The following SPRYD7 variants were observed in gnomAD, a reference collection of about 807,000 sequenced individuals.
SPRYD7 encodes the protein SPRY domain-containing protein 7.
A neutral mutation model predicts 23.8 loss-of-function variants in SPRYD7; 14 were observed. The ratio of observed to expected loss-of-function variants is 0.59; its 90% CI spans 0.39 to 0.92. SPRYD7 has a LOEUF of 0.92. SPRYD7 is among the 40% of genes least tolerant of loss of function. The pLI, the probability that SPRYD7 is intolerant of heterozygous loss-of-function variation, is 0.00. For missense variants in SPRYD7, 194 were observed against 241.7 expected (o/e 0.80, Z 1.31); for synonymous variants, 75 against 84.9 (o/e 0.88, Z 0.64).
At chr13:49,915,269 T>C (rs1245047312) in intron 4 of SPRYD7, 109 bp from the exon 5 acceptor site, 1 of 452,278 alleles carries the variant, frequency 2.2e-6, no homozygotes, top group Non-Finnish European at 3.9e-6. Context: ...ACAATATTAA[T>C]AGGTAAGAAG....
At chr13:49,931,682 T>C (rs1156765304) in intron 1 of SPRYD7, among the ~76,000 whole-genome samples, 1 of 152,208 alleles carries the variant, frequency 6.6e-6, no homozygotes, top group African/African-American at 2.4e-5. Context: ...GGTACAGTGG[T>C]TCGTACCTGT....
At chr13:49,931,423 G>A (rs1483570748) in intron 1 of SPRYD7, among the ~76,000 whole-genome samples, 2 of 152,050 alleles carry the variant, frequency 1.3e-5, no homozygotes, top group African/African-American at 4.8e-5. Context: ...CTCGTGATCC[G>A]CCCACCTTGG....
intron 2 of SPRYD7, among the ~76,000 whole-genome samples, chr13:49,929,180 T>C (rs1359314268): frequency 4.6e-5 from 7 of 152,160 alleles, no homozygotes; most frequent in Non-Finnish European, 7.3e-5. Context: ...CACGGTGGCT[T>C]GAGCCTGTAG....
chr13:49,915,019 A>AT lies in SPRYD7; in HGVS notation c.*43dup, dbSNP rs1461123601. 8.9e-7 allele frequency: 1 copy of AT among 1,126,176 alleles called. No homozygotes were observed. The highest frequency in any genetic ancestry group is 1.3e-6 in the Non-Finnish European group (1 of 780,384). The allele number at this position is 1,126,176 out of a possible 1,614,324, so 69.8% of individuals were successfully genotyped here. A position where few individuals can be genotyped will look rare whatever the true frequency, so the allele number is the denominator to read the frequency against. On this transcript the variant is annotated 3_prime_UTR_variant, in exon 5 of 5. Coordinates refer to ENST00000361840, the MANE Select transcript of SPRYD7 (RefSeq NM_020456.4). ...GGTAAAGTTTTATTAAATGATGAAC[A>AT]TTTTTTAACAGTGCAGAAATACAAG... is the stretch of plus-strand genomic sequence containing the variant.
chr13:49,935,160 G>A (rs1471814966), intron 1 of SPRYD7, among the ~76,000 whole-genome samples: 1 of 152,144 alleles, frequency 6.6e-6, no homozygotes, highest in Non-Finnish European at 1.5e-5. Flanking sequence ...AGAATTATAA[G>A]GAAACTGGGC....
chr13:49,934,709 A>G (rs1034503986), intron 1 of SPRYD7, among the ~76,000 whole-genome samples: 1 of 152,220 alleles, frequency 6.6e-6, no homozygotes, highest in Non-Finnish European at 1.5e-5. Flanking sequence ...AGTATATCTG[A>G]CCAGCTCTTC....
Position 49,931,025 on chromosome 13 carries a change from C to T in SPRYD7, c.216G>A (p.Gln72=). The change falls in exon 2 of 5, where the codon CAG becomes CAA. Residue 72 remains glutamine, a synonymous_variant. Transcript: ENST00000361840. ...QNKSYFEFKI[Q]STGIWGIGVA... ...AAGTACCATTATACCAACCTGTGGA[C>T]TGGATTTTGAATTCAAAATAGCTTT... The T allele has an allele frequency of 1.2e-6, 2 of 1,607,386 alleles. No individual in the cohort carries two copies. The highest frequency in any genetic ancestry group is 1.7e-6 in the Non-Finnish European group (2 of 1,174,916).
chr13:49,929,987 G>A (rs1270386261), intron 2 of SPRYD7, among the ~76,000 whole-genome samples: 4 of 151,082 alleles, frequency 2.6e-5, no homozygotes, highest in African/African-American at 2.4e-5. Context: ...ATGGGGTTTC[G>A]CCATGTTGGC....
chr13:49,919,316 C>A (rs113983950), intron 4 of SPRYD7, among the ~76,000 whole-genome samples: 17 of 151,838 alleles, frequency 1.1e-4, no homozygotes, highest in African/African-American at 4.1e-4. Flanking sequence ...AAGGCCGAGG[C>A]GGGCAGAACA....
chr13:49,925,816 C>CA (rs796496808), intron 3 of SPRYD7, among the ~76,000 whole-genome samples: 2,185 of 114,646 alleles, frequency 0.019, 37 homozygotes, highest in African/African-American at 0.062. Flanking sequence ...CATCTGAAAA[C>CA]AAAAAAAAAA....
rs189598381 is a variant in SPRYD7, at chr13:49,912,794, C to T, written c.*2269G>A. 2.6e-5 allele frequency: 4 copies of T among 152,106 alleles called. No homozygotes were observed. Among genetic ancestry groups the T allele is most frequent in the African/African-American group, 4.8e-5 (2 of 41,414 alleles). 9.4% of individuals were successfully genotyped at this position (152,106 alleles called of 1,614,324 possible). A position where few individuals can be genotyped will look rare whatever the true frequency, so the allele number is the denominator to read the frequency against. On this transcript the variant is annotated 3_prime_UTR_variant, in exon 5 of 5. Coordinates refer to ENST00000361840, the MANE Select transcript of SPRYD7 (RefSeq NM_020456.4). ...TTATGATAGAAAGCCAGACAAAATGCATAATACATACATAGTTAAATTTCA... is the reference window on the plus strand; with the variant it reads ...TTATGATAGAAAGCCAGACAAAATGTATAATACATACATAGTTAAATTTCA...
intron 1 of SPRYD7, among the ~76,000 whole-genome samples, chr13:49,933,867 A>C (rs928753728): frequency 3.9e-5 from 6 of 152,138 alleles, no homozygotes; most frequent in Admixed American, 2.0e-4. Flanking sequence ...CTTGGAAGTC[A>C]TTTGTTTCTA....
intron 1 of SPRYD7, among the ~76,000 whole-genome samples, chr13:49,934,375 T>C (rs377254580): frequency 5.3e-5 from 8 of 151,682 alleles, no homozygotes; most frequent in Admixed American, 2.0e-4. Flanking sequence ...ACCAACATGG[T>C]GAAACTCTGT....
intron 4 of SPRYD7, among the ~76,000 whole-genome samples, chr13:49,916,163 T>C (rs1566400213): frequency 6.6e-6 from 1 of 151,960 alleles, no homozygotes; most frequent in Non-Finnish European, 1.5e-5. Flanking sequence ...AGCAAGTAAA[T>C]AATCAGCACT....
intron 1 of SPRYD7, among the ~76,000 whole-genome samples, chr13:49,932,286 G>A (rs1871419316): frequency 6.6e-6 from 1 of 152,304 alleles, no homozygotes; most frequent in Non-Finnish European, 1.5e-5. Flanking sequence ...GTGACAAACT[G>A]CTAACTTTAG....
intron 4 of SPRYD7, among the ~76,000 whole-genome samples, chr13:49,918,350 T>C (rs569905069): frequency 3.5e-4 from 53 of 151,102 alleles, no homozygotes; most frequent in Non-Finnish European, 5.3e-4. Context: ...GCATGAGTCA[T>C]TGCACCAGTG....
chr13:49,935,235 T>C (rs1871568585), intron 1 of SPRYD7, among the ~76,000 whole-genome samples: 1 of 151,998 alleles, frequency 6.6e-6, no homozygotes, highest in Non-Finnish European at 1.5e-5. Context: ...CTTTAAACAA[T>C]CAGAAACGTG....
chr13:49,931,185 T>A lies in SPRYD7; in HGVS notation c.107-51A>T, dbSNP rs760404942. The A allele has an allele frequency of 3.9e-6, 5 of 1,297,492 alleles. No individual in the cohort carries two copies. The East Asian group carries it at 1.2e-4, about 31-fold the overall frequency. 80.4% of individuals were successfully genotyped at this position (1,297,492 alleles called of 1,614,324 possible). A position where few individuals can be genotyped will look rare whatever the true frequency, so the allele number is the denominator to read the frequency against. On this transcript the variant is annotated intron_variant, in intron 1 of 4. Transcript: ENST00000361840. ...TAAAGTTTTGTATTTTCTTTTCTTT[T>A]CTTTTCTTTTTTGAGACGGAGTCTT...
At chr13:49,929,042 C>T (rs752696052) in intron 2 of SPRYD7, among the ~76,000 whole-genome samples, 3 of 152,150 alleles carry the variant, frequency 2.0e-5, no homozygotes, top group African/African-American at 7.2e-5. Context: ...GCTATGTTTG[C>T]CCAGGCTGGT....
Sources: gnomAD v4.1 joint callset for allele counts (sites outside exome capture counted in the v4.1 genomes callset) on GRCh38, gnomAD v4.1.1 for gene constraint, MANE v1.5 for transcripts, NCBI Gene and HGNC (gene_info 2026-07-23, HGNC 2026-07-21) for gene names.